Variants in IL1RAPL1 observed in about 807,000 individuals in gnomAD.
IL1RAPL1 encodes the protein interleukin 1 receptor accessory protein like 1.
IL1RAPL1 carries 3 observed loss-of-function variants against 48.4 expected under a neutral mutation model. The ratio of observed to expected loss-of-function variants is 0.06; its 90% CI spans 0.03 to 0.16. The LOEUF (loss-of-function observed/expected upper bound fraction) is 0.16, where lower values mean the gene tolerates loss of function less well. IL1RAPL1 is among the 10% of genes least tolerant of loss of function. The pLI, the probability that IL1RAPL1 is intolerant of heterozygous loss-of-function variation, is 1.00. For missense variants in IL1RAPL1, 349 were observed against 530.6 expected, an observed-to-expected ratio of 0.66 and a Z score of 3.36; for synonymous variants, 185 against 187.7, an observed-to-expected ratio of 0.99 and a Z score of 0.12.
chrX:28,669,119 C>T (rs1284485013), intron 1 of IL1RAPL1, among the ~76,000 whole-genome samples: 4 of 110,717 alleles, frequency 3.6e-5, no homozygotes, highest in African/African-American at 9.9e-5. Context: ...ATACTTTATC[C>T]GTGTTTTAGA....
At chrX:29,601,940 C>T (rs1042860473) in intron 5 of IL1RAPL1, among the ~76,000 whole-genome samples, 2 of 112,063 alleles carry the variant, frequency 1.8e-5, no homozygotes, top group African/African-American at 6.5e-5. Context: ...CAAATATAGT[C>T]ACAGTTTCTT....
intron 1 of IL1RAPL1, among the ~76,000 whole-genome samples, chrX:28,737,505 GCCTCAGC>G (rs1436933210): frequency 9.1e-6 from 1 of 110,190 alleles, no homozygotes; most frequent in Non-Finnish European, 1.9e-5. Context: ...TGATCCACCT[GCCTCAGC>G]CTCCCAAAGT....
intron 2 of IL1RAPL1, among the ~76,000 whole-genome samples, chrX:28,922,108 A>G (rs1923629620): frequency 8.9e-6 from 1 of 111,843 alleles, no homozygotes; most frequent in Non-Finnish European, 1.9e-5. Context: ...CTTGTATTGT[A>G]GTTTGAAATC....
At chrX:28,728,721 T>A (rs1935713291) in intron 1 of IL1RAPL1, among the ~76,000 whole-genome samples, 1 of 111,636 alleles carries the variant, frequency 9.0e-6, no homozygotes, top group African/African-American at 3.2e-5. Flanking sequence ...AATAGACATT[T>A]ATTGGGAACT....
chrX:29,373,957 C>T (rs1933583172), intron 3 of IL1RAPL1, among the ~76,000 whole-genome samples: 1 of 94,490 alleles, frequency 1.1e-5, no homozygotes, highest in East Asian at 3.3e-4. Flanking sequence ...GTCCTCCCTC[C>T]TCAGCTTCCC....
At chrX:29,771,978 A>G (rs1929077596) in intron 6 of IL1RAPL1, among the ~76,000 whole-genome samples, 2 of 110,983 alleles carry the variant, frequency 1.8e-5, no homozygotes, top group South Asian at 7.8e-4. Context: ...ATCAGATCTC[A>G]TGAGACTTAC....
chrX:29,639,185 C>CAA (rs57219766), intron 5 of IL1RAPL1, among the ~76,000 whole-genome samples: 7,981 of 53,108 alleles, frequency 0.15, 398 homozygotes, highest in Middle Eastern at 0.3. Flanking sequence ...GACTCCGTCT[C>CAA]AAAAAAAAAA....
At chrX:28,659,203 G>T in intron 1 of IL1RAPL1, 1 of 755,531 alleles carries the variant, frequency 1.3e-6, no homozygotes, top group Non-Finnish European at 2.0e-6. Flanking sequence ...GCAAAGCACC[G>T]ATAGCTGCAC....
intron 5 of IL1RAPL1, among the ~76,000 whole-genome samples, chrX:29,656,134 CA>C (rs1221255927): frequency 9.0e-6 from 1 of 111,452 alleles, no homozygotes; most frequent in Non-Finnish European, 1.9e-5. Flanking sequence ...TGACAGTTAC[CA>C]AAAAAAATGG....
At chrX:29,374,467 A>T (rs56196540) in intron 3 of IL1RAPL1, among the ~76,000 whole-genome samples, 2 of 109,497 alleles carry the variant, frequency 1.8e-5, no homozygotes, top group Non-Finnish European at 3.8e-5. Flanking sequence ...TGTTTGCAGA[A>T]TGAGAGGTTG....
chrX:29,377,628 G>A lies in IL1RAPL1; in HGVS notation c.363-18630G>A, dbSNP rs140309663. 5.9e-3 allele frequency among the ~76,000 whole-genome samples: 656 copies of A among 111,936 alleles called. 7 individuals carry two copies. The highest frequency in any genetic ancestry group is 0.021 in the African/African-American group (633 of 30,824). On this transcript the variant is annotated intron_variant, in intron 3 of 10. Coordinates refer to ENST00000378993, the MANE Select transcript of IL1RAPL1 (RefSeq NM_014271.4). ...TCCTTCACTTATGAAGCTTAATTTG[G>A]TAAGATATAAAATTATTGGTTGAAA...
intron 6 of IL1RAPL1, among the ~76,000 whole-genome samples, chrX:29,762,393 T>C (rs1928773286): frequency 8.9e-6 from 1 of 112,107 alleles, no homozygotes; most frequent in African/African-American, 3.2e-5. Flanking sequence ...GAAAAATTAC[T>C]CCTTGAATTT....
chrX:28,678,131 T>C (rs773762850), intron 1 of IL1RAPL1, among the ~76,000 whole-genome samples: 3 of 111,920 alleles, frequency 2.7e-5, no homozygotes, highest in Non-Finnish European at 3.8e-5. Flanking sequence ...ATAAGCCATC[T>C]TAGTTTTTTG....
At chrX:29,416,972 CAATTTAAAAAATCAAAACAT>C (rs1423814341) in intron 5 of IL1RAPL1, among the ~76,000 whole-genome samples, 1 of 110,933 alleles carries the variant, frequency 9.0e-6, no homozygotes, top group Non-Finnish European at 1.9e-5. Context: ...AAATAGGGAG[CAATTTAAAAAATCAAAACAT>C]TAGGTTTTGA....
intron 6 of IL1RAPL1, among the ~76,000 whole-genome samples, chrX:29,807,859 AAAT>A (rs967684081): frequency 2.0e-4 from 22 of 111,399 alleles, no homozygotes; most frequent in African/African-American, 5.2e-4. Context: ...GCAATTAAAT[AAAT>A]AATAAGAACA....
intron 2 of IL1RAPL1, among the ~76,000 whole-genome samples, chrX:28,922,636 C>T (rs763435335): frequency 7.4e-4 from 83 of 111,994 alleles, no homozygotes; most frequent in African/African-American, 2.4e-3. Flanking sequence ...TTCAAGCCAT[C>T]TTGGCCCTTT....
At position 29,895,776 on chromosome X, in the gene IL1RAPL1, G is replaced by A. The variant is rs1218612490; in HGVS notation, c.779-21688G>A. 5.3e-5 allele frequency among the ~76,000 whole-genome samples: 6 copies of A among 112,185 alleles called. No individual in the cohort carries two copies. In the East Asian group the frequency reaches 8.4e-4, roughly 16 times the overall value. On this transcript the variant is annotated intron_variant, in intron 6 of 10. Coordinates refer to ENST00000378993, the MANE Select transcript of IL1RAPL1 (RefSeq NM_014271.4). ...TAATCAAATTGCTGACACATTGAGT[G>A]TGAGATGCTTGTGGGATATCCAAAT...
chrX:28,932,769 T>TA (rs1303478630), intron 2 of IL1RAPL1, among the ~76,000 whole-genome samples: 75 of 108,970 alleles, frequency 6.9e-4, no homozygotes, highest in African/African-American at 2.5e-3. Flanking sequence ...AAAAAATCAC[T>TA]AAAAAAATGG....
intron 2 of IL1RAPL1, among the ~76,000 whole-genome samples, chrX:28,935,933 G>T (rs1049661165): frequency 1.8e-5 from 2 of 111,355 alleles, no homozygotes; most frequent in South Asian, 7.6e-4. Context: ...TAGAAACGGG[G>T]TGTAAAAGGG....
Sources: gnomAD v4.1 joint callset for allele counts (sites outside exome capture counted in the v4.1 genomes callset) on GRCh38, gnomAD v4.1.1 for gene constraint, MANE v1.5 for transcripts, NCBI Gene and HGNC (gene_info 2026-07-23, HGNC 2026-07-21) for gene names.